UGGT2: variants seen among roughly 807,000 people sequenced by gnomAD.
UGGT2 encodes the protein UDP-glucose glycoprotein glucosyltransferase 2, also known as UDP-glucose:glycoprotein glucosyltransferase 2.
In UGGT2, 180 loss-of-function variants were observed where a neutral mutation model predicts 192.1. The ratio of observed to expected loss-of-function variants is 0.94; its 90% CI spans 0.83 to 1.06. The LOEUF is 1.06. Among genes scored for constraint, UGGT2 ranks in the 50% least tolerant of loss-of-function variants. UGGT2 has a pLI of 0.00. For missense variants in UGGT2, 1,849 were observed against 1,795.7 expected (o/e 1.03, Z -0.54); for synonymous variants, 580 against 591.0 (o/e 0.98, Z 0.27).
Position 95,860,781 on chromosome 13 carries a change from T to C in UGGT2, c.3740+7A>G, listed in dbSNP as rs757247461. On this transcript the variant is annotated splice_region_variant and intron_variant, in intron 32 of 38. Transcript: ENST00000376747. ...TTTCAAAATATAAGGTTAAAAAATA[T>C]ACCTACCTTAAAAAACGTTCATATA... 3 of 1,475,706 alleles carry C rather than the reference T, an allele frequency of 2.0e-6. No individual in the cohort carries two copies. Among genetic ancestry groups the C allele is most frequent in the Admixed American group, 2.2e-5 (1 of 45,188 alleles). The allele number at this position is 1,475,706 out of a possible 1,614,324, so 91.4% of individuals were successfully genotyped here. A position where few individuals can be genotyped will look rare whatever the true frequency, so the allele number is the denominator to read the frequency against.
intron 38 of UGGT2, among the ~76,000 whole-genome samples, chr13:95,825,127 C>T (rs1885892303): frequency 6.6e-6 from 1 of 152,058 alleles, no homozygotes; most frequent in Non-Finnish European, 1.5e-5. Context: ...TTTGCTATCT[C>T]CTATGGAATT....
chr13:95,964,447 C>A (rs907872959), intron 12 of UGGT2, among the ~76,000 whole-genome samples: 3 of 151,856 alleles, frequency 2.0e-5, no homozygotes, highest in Non-Finnish European at 4.4e-5. Context: ...ACACAGACAA[C>A]AGAAGTAAAA....
chr13:95,925,402 T>C (rs2048986050), intron 20 of UGGT2, among the ~76,000 whole-genome samples: 1 of 152,186 alleles, frequency 6.6e-6, no homozygotes, highest in Admixed American at 6.5e-5. Context: ...TAGAGTTACT[T>C]ACTTTGTTTA....
intron 36 of UGGT2, among the ~76,000 whole-genome samples, chr13:95,845,379 G>GATGA (rs58659916): frequency 3.0e-5 from 1 of 33,492 alleles, no homozygotes; most frequent in African/African-American, 7.5e-5. Context: ...GGTGATGACT[G>GATGA]GTATGCTGCC....
chr13:95,957,086 T>C lies in UGGT2; in HGVS notation c.1336-7632A>G, dbSNP rs150372706. ...GAAATTAGCCAGACACAAAAGAATA[T>C]TGTATAATTCCACTTATATGAAATA... is the stretch of plus-strand genomic sequence containing the variant. On this transcript the variant is annotated intron_variant, in intron 12 of 38. Coordinates refer to ENST00000376747, the MANE Select transcript of UGGT2 (RefSeq NM_020121.4). Among the ~76,000 whole-genome samples, 1,436 of 152,302 alleles carry C rather than the reference T, an allele frequency of 9.4e-3. 12 individuals are homozygous for C. Among genetic ancestry groups the C allele is most frequent in the Middle Eastern group, 0.034 (10 of 294 alleles).
chr13:95,913,343 A>G (rs906851290), intron 20 of UGGT2, among the ~76,000 whole-genome samples: 6 of 152,214 alleles, frequency 3.9e-5, no homozygotes, highest in African/African-American at 1.2e-4. Flanking sequence ...TACCCATCTG[A>G]CAAAGGGCTA....
At chr13:96,017,217 C>T (rs11070157) in intron 4 of UGGT2, among the ~76,000 whole-genome samples, 60,452 of 151,892 alleles carry the variant, frequency 0.4, 12,248 homozygotes, top group Middle Eastern at 0.45. Flanking sequence ...GATGTTGGAA[C>T]GAGTTAAGAC....
intron 10 of UGGT2, among the ~76,000 whole-genome samples, chr13:95,978,643 A>C (rs904528533): frequency 6.6e-6 from 1 of 152,186 alleles, no homozygotes; most frequent in African/African-American, 2.4e-5. Flanking sequence ...TTCTTCTAGC[A>C]GTTTCACAGT....
At chr13:95,853,734 A>G (rs1215054353) in intron 35 of UGGT2, 77 bp from the exon 36 acceptor site, 1 of 923,164 alleles carries the variant, frequency 1.1e-6, no homozygotes, top group Non-Finnish European at 1.6e-6. Context: ...GTGAGTGTCT[A>G]CAGTGACGGT....
chr13:96,040,075 C>G (rs1385139143), intron 1 of UGGT2, among the ~76,000 whole-genome samples: 2 of 152,226 alleles, frequency 1.3e-5, no homozygotes, highest in African/African-American at 4.8e-5. Flanking sequence ...CAAAATTATT[C>G]TAGCCTCTGT....
chr13:96,016,899 T>C (rs1426768727), intron 4 of UGGT2, among the ~76,000 whole-genome samples: 2 of 152,140 alleles, frequency 1.3e-5, no homozygotes, highest in Non-Finnish European at 2.9e-5. Flanking sequence ...ACGTGGGTTG[T>C]ATCCTGCAAA....
In UGGT2 at chr13:95,999,214, T is replaced by A; in HGVS notation, c.754A>T (p.Lys252Ter). Residue 252 changes from lysine to a stop codon, truncating the protein, a stop_gained, in exon 6 of 39, where the codon AAA (lysine) becomes TAA (stop). Transcript: ENST00000376747. LOFTEE classifies it high-confidence loss of function. Reference protein sequence around the residue: ...EYKALDDTQVKTVTNTTVEDE... With the variant: ...EYKALDDTQV ...AGTACTGAGATAGAGAACTTACTTT[T>A]AACTTGGGTATCATCCAGTGCTTTG... 5 of 1,612,908 alleles carry A rather than the reference T, an allele frequency of 3.1e-6. No individual in the cohort carries two copies. The highest frequency in any genetic ancestry group is 4.2e-6 in the Non-Finnish European group (5 of 1,179,182).
rs931253115 is a variant in UGGT2 at position 95,974,912 on chromosome 13, T to C, written c.1093-2241A>G. On this transcript the variant is annotated intron_variant, in intron 10 of 38. Coordinates refer to ENST00000376747, the MANE Select transcript of UGGT2 (RefSeq NM_020121.4). The stretch of plus-strand genomic sequence containing the variant: ...GCCTGTCCAACATGGTGAAACCCTG[T>C]TTCTATCAAAAATAGAAAAATTAGC... Among the ~76,000 whole-genome samples the C allele has an allele frequency of 2.0e-5, 3 of 152,132 alleles. No individual in the cohort carries two copies. The South Asian group carries it at 6.2e-4, about 32-fold the overall frequency.
intron 38 of UGGT2, among the ~76,000 whole-genome samples, chr13:95,806,656 A>G (rs1350711241): frequency 6.6e-6 from 1 of 152,230 alleles, no homozygotes; most frequent in South Asian, 2.1e-4. Context: ...ACAAAGCTAC[A>G]GTAATTAAAA....
intron 15 of UGGT2, among the ~76,000 whole-genome samples, chr13:95,943,433 T>C (rs983467328): frequency 6.6e-6 from 1 of 151,978 alleles, no homozygotes; most frequent in African/African-American, 2.4e-5. Context: ...AAGTATCTTT[T>C]ATTTGCTTGC....
Position 95,938,184 on chromosome 13 carries a change from G to T in UGGT2, c.1813-1096C>A, listed in dbSNP as rs563192524. 4.6e-5 allele frequency among the ~76,000 whole-genome samples: 7 copies of T among 152,296 alleles called. No homozygotes were observed. The East Asian group carries it at 1.3e-3, about 29-fold the overall frequency. On this transcript the variant is annotated intron_variant, in intron 16 of 38. Transcript: ENST00000376747. ...TCTTTTCTAAATTGCCCAGTCTCAG[G>T]TATGTCTTTATCAGCAGCGTGAAAA...
chr13:96,029,952 C>T (rs1384888618), intron 2 of UGGT2, among the ~76,000 whole-genome samples: 1 of 152,114 alleles, frequency 6.6e-6, no homozygotes, highest in Non-Finnish European at 1.5e-5. Context: ...ATCTTGGATA[C>T]TTGACATTAA....
At chr13:95,887,435 G>T (rs1469734242) in intron 26 of UGGT2, 4 of 377,404 alleles carry the variant, frequency 1.1e-5, no homozygotes, top group African/African-American at 6.3e-5. Context: ...TGTTAATGAG[G>T]AATATTTGTA....
chr13:95,976,256 T>A (rs988001093), intron 10 of UGGT2, among the ~76,000 whole-genome samples: 1 of 152,186 alleles, frequency 6.6e-6, no homozygotes, highest in African/African-American at 2.4e-5. Flanking sequence ...ACAGGATTTC[T>A]TTTTTATGAC....
Sources: allele counts gnomAD v4.1 joint callset (sites outside exome capture counted in the v4.1 genomes callset), GRCh38; gene constraint gnomAD v4.1.1; transcripts MANE v1.5; gene names NCBI Gene and HGNC (gene_info 2026-07-23, HGNC 2026-07-21).